Variants in CAST observed in about 807,000 individuals in gnomAD.
The protein encoded by CAST is calpastatin.
Under a neutral mutation model 119.6 loss-of-function variants are expected in CAST, and 76 were observed. That is an observed-to-expected ratio of 0.64 (90% CI 0.53 to 0.77). The LOEUF is 0.77. Among genes scored for constraint, CAST ranks in the 30% least tolerant of loss-of-function variants. The pLI is 0.00. For missense variants in CAST, 953 were observed against 946.5 expected (o/e 1.01, Z -0.09); for synonymous variants, 319 against 331.6 (o/e 0.96, Z 0.41).
the CAST span, among the ~76,000 whole-genome samples, chr5:96,520,138 C>G: frequency 6.6e-6 from 1 of 152,294 alleles, no homozygotes; most frequent in African/African-American, 2.4e-5. Context: ...AAACCATTCC[C>G]TTTTTTGCCT....
At chr5:96,332,189 C>T in the CAST span, among the ~76,000 whole-genome samples, 2 of 152,102 alleles carry the variant, frequency 1.3e-5, no homozygotes, top group African/African-American at 4.8e-5. Context: ...CAAAACAAAC[C>T]TCAGGGGTAG....
intron 1 of CAST, among the ~76,000 whole-genome samples, chr5:96,547,222 A>G (rs972217035): frequency 2.6e-5 from 4 of 152,186 alleles, no homozygotes; most frequent in African/African-American, 9.6e-5. Context: ...TGGGTCCCAA[A>G]AAGTCCCATA....
chr5:96,689,528 A>T (rs1044735239), intron 2 of CAST, among the ~76,000 whole-genome samples: 4 of 152,188 alleles, frequency 2.6e-5, no homozygotes, highest in Non-Finnish European at 5.9e-5. Flanking sequence ...AGATCATTTG[A>T]TGAAAATAGC....
In CAST at chr5:96,705,322, A is replaced by T. The variant is rs917789401; in HGVS notation, c.210+9415A>T. On this transcript the variant is annotated intron_variant, in intron 3 of 31. Coordinates refer to ENST00000675179, the MANE Select transcript of CAST (RefSeq NM_001750.7). Reference sequence around the variant, plus strand: ...CAGCGATGAGACTCTGTGTCAAAAAAATATATATATAAAGAAAAAAAAGAA... The same window carrying T: ...CAGCGATGAGACTCTGTGTCAAAAATATATATATATAAAGAAAAAAAAGAA... Among the ~76,000 whole-genome samples, 16 of 152,128 alleles carry T rather than the reference A, an allele frequency of 1.1e-4. No homozygotes were observed. In the South Asian group the frequency reaches 1.5e-3, roughly 14 times the overall value.
chr5:96,750,688 T>A lies in CAST; in HGVS notation c.1524+6T>A. On this transcript the variant is annotated splice_donor_region_variant and intron_variant, in intron 20 of 31. Coordinates refer to ENST00000675179, the MANE Select transcript of CAST (RefSeq NM_001750.7). The stretch of plus-strand genomic sequence containing the variant: ...CCCCTGAGCCGGCTACCTTGGTGAG[T>A]GACTCCCTGGGCATTTGAGCAGTGG... 1 of 1,596,772 alleles carries A rather than the reference T, an allele frequency of 6.3e-7. No individual in the cohort carries two copies. Among genetic ancestry groups the A allele is most frequent in the Non-Finnish European group, 8.6e-7 (1 of 1,164,352 alleles).
At chr5:96,751,368 A>G (rs1472316382) in intron 20 of CAST, among the ~76,000 whole-genome samples, 5 of 152,138 alleles carry the variant, frequency 3.3e-5, no homozygotes, top group African/African-American at 1.2e-4. Flanking sequence ...ATGTTTTGCA[A>G]TGTCTTCTCA....
chr5:96,241,331 T>C, the CAST span, among the ~76,000 whole-genome samples: 1 of 151,466 alleles, frequency 6.6e-6, no homozygotes, highest in African/African-American at 2.4e-5. Flanking sequence ...TTTGTTCTTG[T>C]GATAGTTTAC....
At chr5:96,763,211 C>T (rs372808514) in intron 25 of CAST, 27 of 780,614 alleles carry the variant, frequency 3.5e-5, no homozygotes, top group African/African-American at 5.1e-5. Context: ...CATCCTGTTG[C>T]GTCAGCTTCA....
chr5:96,518,612 G>A, the CAST span, among the ~76,000 whole-genome samples: 6 of 152,180 alleles, frequency 3.9e-5, no homozygotes, highest in Non-Finnish European at 7.3e-5. Context: ...GATTGCAAAG[G>A]TTTATACATG....
intron 1 of CAST, among the ~76,000 whole-genome samples, chr5:96,615,627 G>T (rs1417695838): frequency 6.6e-6 from 1 of 152,164 alleles, no homozygotes; most frequent in Non-Finnish European, 1.5e-5. Flanking sequence ...AGCCTAAGAG[G>T]GGTCAGGTGG....
chr5:96,531,991 A>C (rs956366380), intron 1 of CAST, among the ~76,000 whole-genome samples: 7 of 152,202 alleles, frequency 4.6e-5, no homozygotes, highest in Admixed American at 3.3e-4. Flanking sequence ...AGTGGCATGC[A>C]CCTGTAATCC....
the CAST span, among the ~76,000 whole-genome samples, chr5:96,168,789 A>G: frequency 6.6e-6 from 1 of 152,172 alleles, no homozygotes; most frequent in Admixed American, 6.5e-5. Context: ...GGCCAGGAAC[A>G]ATGGTAATTG....
At chr5:96,130,214 T>C in the CAST span, among the ~76,000 whole-genome samples, 1 of 151,938 alleles carries the variant, frequency 6.6e-6, no homozygotes, top group African/African-American at 2.4e-5. Context: ...TATCTTCAAT[T>C]TGATACAATT....
At chr5:96,276,191 C>T in the CAST span, among the ~76,000 whole-genome samples, 3 of 152,124 alleles carry the variant, frequency 2.0e-5, no homozygotes, top group Admixed American at 2.0e-4. Context: ...GATTTTCTCC[C>T]TCTCCTTGTC....
chr5:96,043,757 G>A, the CAST span, among the ~76,000 whole-genome samples: 1 of 152,136 alleles, frequency 6.6e-6, no homozygotes, highest in Non-Finnish European at 1.5e-5. Flanking sequence ...GCCAGAACAG[G>A]GTCATAAAGG....
the CAST span, among the ~76,000 whole-genome samples, chr5:96,372,594 C>A: frequency 6.6e-6 from 1 of 152,164 alleles, no homozygotes; most frequent in Non-Finnish European, 1.5e-5. Flanking sequence ...CAAGCCTGAT[C>A]CCAGAGTTGA....
At chr5:96,579,594 T>A (rs1165249860) in intron 1 of CAST, among the ~76,000 whole-genome samples, 1 of 152,190 alleles carries the variant, frequency 6.6e-6, no homozygotes, top group Non-Finnish European at 1.5e-5. Context: ...TGCCTTCTTG[T>A]GGCAGCTAGG....
At chr5:96,087,820 C>T in the CAST span, among the ~76,000 whole-genome samples, 1 of 152,094 alleles carries the variant, frequency 6.6e-6, no homozygotes, top group Non-Finnish European at 1.5e-5. Context: ...AACCTCTACC[C>T]AGCAACCTCC....
At chr5:96,478,287 A>C in the CAST span, among the ~76,000 whole-genome samples, 1 of 152,082 alleles carries the variant, frequency 6.6e-6, no homozygotes, top group African/African-American at 2.4e-5. Context: ...CTGTGAAAAA[A>C]CTTATAGGAT....
Sources: gnomAD v4.1 joint callset for allele counts (sites outside exome capture counted in the v4.1 genomes callset) on GRCh38, gnomAD v4.1.1 for gene constraint, MANE v1.5 for transcripts, NCBI Gene and HGNC (gene_info 2026-07-23, HGNC 2026-07-21) for gene names.